The following SORCS1 variants were observed in gnomAD, a reference collection of about 807,000 sequenced individuals.
SORCS1 encodes the protein sortilin related VPS10 domain containing receptor 1.
A neutral mutation model predicts 146.1 loss-of-function variants in SORCS1; 60 were observed. The ratio of observed to expected loss-of-function variants is 0.41; its 90% confidence interval spans 0.33 to 0.51. The LOEUF is 0.51. Among genes scored for constraint, SORCS1 ranks in the 20% least tolerant of loss-of-function variants. The probability of loss-of-function intolerance (pLI) is 0.21; values close to 1 mark genes in which losing one functional copy is unlikely to be tolerated. For missense variants in SORCS1, 1,352 were observed against 1,487.6 expected (o/e 0.91, Z 1.50); for synonymous variants, 637 against 584.0 (o/e 1.09, Z -1.31).
intron 1 of SORCS1, among the ~76,000 whole-genome samples, chr10:106,965,236 TG>T (rs921950323): frequency 3.3e-5 from 5 of 152,060 alleles, no homozygotes; most frequent in African/African-American, 1.2e-4. Context: ...GGTGTATACA[TG>T]GGTTTTTGTG....
intron 1 of SORCS1, among the ~76,000 whole-genome samples, chr10:107,039,571 G>A (rs1186025299): frequency 6.6e-6 from 1 of 152,180 alleles, no homozygotes; most frequent in Non-Finnish European, 1.5e-5. Context: ...AAAGCAGCAG[G>A]AAGAAGCATC....
In SORCS1 at chr10:106,774,969, C is replaced by G. The variant is rs111318404; in HGVS notation, c.885+1565G>C. On this transcript the variant is annotated intron_variant, in intron 4 of 25. Transcript: ENST00000263054. ...ACGCAAAGGAAACCAACGCTAAATACTATTCACCATAAGTAGCTGGGATGA... is the reference window on the plus strand; with the variant it reads ...ACGCAAAGGAAACCAACGCTAAATAGTATTCACCATAAGTAGCTGGGATGA... Among the ~76,000 whole-genome samples, 1,403 of 152,334 alleles carry G rather than the reference C, an allele frequency of 9.2e-3. 22 individuals carry two copies. Among genetic ancestry groups the G allele is most frequent in the African/African-American group, 0.032 (1,334 of 41,570 alleles).
At chr10:106,735,077 T>G (rs1589765383) in intron 5 of SORCS1, among the ~76,000 whole-genome samples, 1 of 135,556 alleles carries the variant, frequency 7.4e-6, no homozygotes, top group Admixed American at 8.3e-5. Context: ...ACCCGGGAGG[T>G]GGAGGTTGCA....
chr10:106,861,415 A>T (rs1263055841), intron 2 of SORCS1, among the ~76,000 whole-genome samples: 1 of 151,376 alleles, frequency 6.6e-6, no homozygotes, highest in Admixed American at 6.6e-5. Flanking sequence ...AAAAAAAAAA[A>T]AAGAATATGC....
chr10:106,952,572 T>TTATATTATATTATAC (rs1211558265), intron 2 of SORCS1, among the ~76,000 whole-genome samples: 1 of 146,278 alleles, frequency 6.8e-6, no homozygotes, highest in African/African-American at 2.5e-5. Context: ...TTATATTATA[T>TTATATTATATTATAC]TATACTATGT....
At chr10:106,962,722 A>G (rs10884392) in intron 1 of SORCS1, among the ~76,000 whole-genome samples, 66,455 of 152,078 alleles carry the variant, frequency 0.44, 17,972 homozygotes, top group Non-Finnish European at 0.6. Flanking sequence ...TGCTTCGTGT[A>G]ACACATGGGA....
chr10:106,732,733 TA>T (rs1856684091), intron 5 of SORCS1, among the ~76,000 whole-genome samples: 3 of 152,136 alleles, frequency 2.0e-5, no homozygotes, highest in Non-Finnish European at 4.4e-5. Context: ...TAGTCTCAAA[TA>T]AATAATAGCA....
At chr10:107,063,267 T>C (rs1358352029) in intron 1 of SORCS1, among the ~76,000 whole-genome samples, 1 of 152,200 alleles carries the variant, frequency 6.6e-6, no homozygotes, top group African/African-American at 2.4e-5. Flanking sequence ...CTAGTTGATT[T>C]TCCATTTTCA....
intron 1 of SORCS1, among the ~76,000 whole-genome samples, chr10:107,071,538 A>T (rs1962426999): frequency 6.6e-6 from 1 of 152,196 alleles, no homozygotes; most frequent in Non-Finnish European, 1.5e-5. Flanking sequence ...ATGTCCTCCT[A>T]CAGTTGTTCT....
At chr10:107,123,964 G>C (rs2134566708) in intron 1 of SORCS1, among the ~76,000 whole-genome samples, 1 of 151,488 alleles carries the variant, frequency 6.6e-6, no homozygotes, top group South Asian at 2.1e-4. Context: ...GCGGGTACCT[G>C]TAGTCCCAGC....
chr10:106,658,382 G>A (rs539321743), intron 17 of SORCS1, among the ~76,000 whole-genome samples: 19 of 151,970 alleles, frequency 1.3e-4, no homozygotes, highest in African/African-American at 4.6e-4. Context: ...TGTCACGGTA[G>A]TTATCACATG....
intron 10 of SORCS1, among the ~76,000 whole-genome samples, chr10:106,682,494 T>A (rs1163434823): frequency 6.6e-6 from 1 of 152,270 alleles, no homozygotes. Flanking sequence ...TTCACTTTTT[T>A]AACTTAAGCT....
chr10:106,799,012 G>A (rs148546104), intron 3 of SORCS1, among the ~76,000 whole-genome samples: 14,513 of 152,158 alleles, frequency 0.095, 849 homozygotes, highest in East Asian at 0.19. Context: ...AAACAGCATG[G>A]TACTGGTACC....
chr10:106,715,670 C>T lies in SORCS1; in HGVS notation c.1025-6329G>A, dbSNP rs1424264453. 2.0e-5 allele frequency among the ~76,000 whole-genome samples: 3 copies of T among 152,190 alleles called. No homozygotes were observed. The East Asian group carries it at 5.8e-4, about 29-fold the overall frequency. On this transcript the variant is annotated intron_variant, in intron 6 of 25. Transcript: ENST00000263054. The stretch of plus-strand genomic sequence containing the variant: ...GATAGCTGTAGTTGGTATTTAAGTC[C>T]TCTCTCTGTAATCACCAATACTGCT...
intron 2 of SORCS1, among the ~76,000 whole-genome samples, chr10:106,924,785 A>G (rs1465099350): frequency 9.7e-6 from 1 of 103,058 alleles, no homozygotes; most frequent in Non-Finnish European, 2.0e-5. Flanking sequence ...TTTTTATGTT[A>G]AGGCAACCTG....
intron 2 of SORCS1, among the ~76,000 whole-genome samples, chr10:106,876,070 T>C (rs1950578302): frequency 6.6e-6 from 1 of 152,152 alleles, no homozygotes; most frequent in African/African-American, 2.4e-5. Flanking sequence ...AGTTATGACT[T>C]TTAATATTTC....
chr10:106,988,417 A>G (rs1011760788), intron 1 of SORCS1, among the ~76,000 whole-genome samples: 1 of 152,224 alleles, frequency 6.6e-6, no homozygotes, highest in African/African-American at 2.4e-5. Context: ...ATTAGTTGGA[A>G]TTAGAGGGTT....
chr10:106,998,391 T>G (rs1369183610), intron 1 of SORCS1, among the ~76,000 whole-genome samples: 3 of 152,234 alleles, frequency 2.0e-5, no homozygotes, highest in Non-Finnish European at 4.4e-5. Context: ...CTTCTTTCAT[T>G]TTTTTGATGT....
chr10:107,146,737 C>T (rs1239773345), intron 1 of SORCS1, among the ~76,000 whole-genome samples: 1 of 152,072 alleles, frequency 6.6e-6, no homozygotes, highest in Non-Finnish European at 1.5e-5. Flanking sequence ...TGTTTTTAGA[C>T]CCCAACTTCA....
Sources: gnomAD v4.1 joint callset for allele counts (sites outside exome capture counted in the v4.1 genomes callset) on GRCh38, gnomAD v4.1.1 for gene constraint, MANE v1.5 for transcripts, NCBI Gene and HGNC (gene_info 2026-07-23, HGNC 2026-07-21) for gene names.